POU2AF3: variants seen among roughly 807,000 people sequenced by gnomAD.
POU2AF3 encodes the protein POU class 2 homeobox associating factor 3.
chr11:111,304,778 G>GAAA, the POU2AF3 span: 2 of 344,378 alleles, frequency 5.8e-6, no homozygotes, highest in Non-Finnish European at 9.9e-6. Context: ...GTCAAACATT[G>GAAA]AAAAAAAAAA....
At chr11:111,300,090 A>G in the POU2AF3 span, 11 of 390,528 alleles carry the variant, frequency 2.8e-5, no homozygotes, top group East Asian at 4.0e-4. Context: ...GTCAGCCGCC[A>G]TAATCAGAGA....
the POU2AF3 span, chr11:111,308,127 C>T: frequency 3.0e-5 from 47 of 1,548,904 alleles, no homozygotes; most frequent in East Asian, 7.3e-5. Context: ...TACAGTTACT[C>T]GCCAGTGCAG....
the POU2AF3 span, among the ~76,000 whole-genome samples, chr11:111,305,820 C>G: frequency 6.6e-6 from 1 of 152,096 alleles, no homozygotes. Context: ...TTTGTACTTC[C>G]GAGCCAATAG....
At chr11:111,298,826 G>GCGGGGGGGGCGC in the POU2AF3 span, 5 of 790,958 alleles carry the variant, frequency 6.3e-6, no homozygotes, top group Non-Finnish European at 6.8e-6. Context: ...CGTACCCCAG[G>GCGGGGGGGGCGC]CCCCCGCCCG....
chr11:111,308,542 C>T, the POU2AF3 span: 3 of 1,216,218 alleles, frequency 2.5e-6, no homozygotes, highest in Non-Finnish European at 3.4e-6. Context: ...ATCCCAAGCA[C>T]AGTTTACATG....
chr11:111,298,826 G>GGGGGC, the POU2AF3 span: 9 of 790,956 alleles, frequency 1.1e-5, no homozygotes, highest in Non-Finnish European at 1.5e-5. Flanking sequence ...CGTACCCCAG[G>GGGGGC]CCCCCGCCCG....
chr11:111,300,422 T>C, the POU2AF3 span: 1 of 407,712 alleles, frequency 2.5e-6, no homozygotes, highest in Non-Finnish European at 4.2e-6. Flanking sequence ...TTCTCCGAAC[T>C]TAGAAACTTG....
At chr11:111,300,433 GC>G in the POU2AF3 span, 3 of 437,716 alleles carry the variant, frequency 6.9e-6, no homozygotes, top group Non-Finnish European at 7.5e-6. Flanking sequence ...TAGAAACTTG[GC>G]TTTGGGTGCC....
At chr11:111,304,308 TGA>T in the POU2AF3 span, among the ~76,000 whole-genome samples, 7 of 139,406 alleles carry the variant, frequency 5.0e-5, no homozygotes, top group Admixed American at 5.3e-4. Context: ...CATAGATAGT[TGA>T]GATTAAATAA....
chr11:111,308,529 A>C, the POU2AF3 span: 4 of 1,299,062 alleles, frequency 3.1e-6, no homozygotes, highest in Non-Finnish European at 4.1e-6. Flanking sequence ...TTGGTAACAC[A>C]ATATCCCAAG....
At chr11:111,300,926 C>A in the POU2AF3 span, among the ~76,000 whole-genome samples, 60 of 152,264 alleles carry the variant, frequency 3.9e-4, no homozygotes, top group South Asian at 0.012. Context: ...AAGTATACAT[C>A]GTTTTGTTAG....
chr11:111,300,091 T>C, the POU2AF3 span: 1 of 387,886 alleles, frequency 2.6e-6, no homozygotes, highest in East Asian at 3.7e-5. Flanking sequence ...TCAGCCGCCA[T>C]AATCAGAGAA....
chr11:111,305,609 C>T, the POU2AF3 span, among the ~76,000 whole-genome samples: 1 of 152,250 alleles, frequency 6.6e-6, no homozygotes, highest in African/African-American at 2.4e-5. Context: ...TCAAGAAGAA[C>T]ACAGTGTCCT....
chr11:111,298,826 G>GGGGGCGGCC, the POU2AF3 span: 1 of 790,962 alleles, frequency 1.3e-6, no homozygotes. Flanking sequence ...CGTACCCCAG[G>GGGGGCGGCC]CCCCCGCCCG....
the POU2AF3 span, chr11:111,300,144 C>A: frequency 2.7e-6 from 1 of 365,276 alleles, no homozygotes; most frequent in Non-Finnish European, 4.9e-6. Flanking sequence ...GTCCATAATA[C>A]CCTCTCTCTC....
At chr11:111,298,842 C>T in the POU2AF3 span, 4 of 1,184,630 alleles carry the variant, frequency 3.4e-6, no homozygotes, top group Non-Finnish European at 3.1e-6. Context: ...GCCCGCCCTC[C>T]CACGTATCCA....
chr11:111,303,239 G>A, the POU2AF3 span, among the ~76,000 whole-genome samples: 1 of 145,392 alleles, frequency 6.9e-6, no homozygotes, highest in African/African-American at 2.4e-5. Flanking sequence ...GCAAACATGC[G>A]CATGCACGCA....
chr11:111,307,043 A>G, the POU2AF3 span, among the ~76,000 whole-genome samples: 5 of 152,210 alleles, frequency 3.3e-5, no homozygotes, highest in African/African-American at 1.2e-4. Context: ...ATATGGTAAC[A>G]AACTTCATTT....
chr11:111,304,955 T>G, the POU2AF3 span: 1 of 1,233,018 alleles, frequency 8.1e-7, no homozygotes, highest in Non-Finnish European at 1.0e-6. Flanking sequence ...TGTCCACCTT[T>G]CAGACCCAGT....
Sources: gnomAD v4.1 joint callset for allele counts (sites outside exome capture counted in the v4.1 genomes callset) on GRCh38, gnomAD v4.1.1 for gene constraint, MANE v1.5 for transcripts, NCBI Gene and HGNC (gene_info 2026-07-23, HGNC 2026-07-21) for gene names.